RAB11FIP2: variants seen among roughly 807,000 people sequenced by gnomAD.
RAB11FIP2 encodes RAB11 family interacting protein 2, also known as rab11 family-interacting protein 2.
A neutral mutation model predicts 40.9 loss-of-function variants in RAB11FIP2; 16 were observed. The ratio of observed to expected loss-of-function variants is 0.39; its 90% confidence interval spans 0.26 to 0.59. The LOEUF (loss-of-function observed/expected upper bound fraction) is 0.59, where lower values mean the gene tolerates loss of function less well. Among genes scored for constraint, RAB11FIP2 ranks in the 20% least tolerant of loss-of-function variants. RAB11FIP2 has a pLI of 0.53. For synonymous variants in RAB11FIP2, 228 were observed against 213.7 expected (o/e 1.07, Z -0.58); for missense variants, 532 against 606.2 (o/e 0.88, Z 1.28).
chr10:118,008,770 T>C lies in RAB11FIP2; in HGVS notation c.*228A>G, dbSNP rs1347438641. 1 of 506,932 alleles carries C rather than the reference T, an allele frequency of 2.0e-6. No homozygotes were observed. Among genetic ancestry groups the C allele is most frequent in the Admixed American group, 3.4e-5 (1 of 29,514 alleles). The allele number at this position is 506,932 out of a possible 1,614,324, so 31.4% of individuals were successfully genotyped here. A position where few individuals can be genotyped will look rare whatever the true frequency, so the allele number is the denominator to read the frequency against. ...TGAGTCCTAAGGAACCACTTATTCA[T>C]TGAGAATCTGGCCCATTTTCAATTT... On this transcript the variant is annotated 3_prime_UTR_variant, in exon 5 of 5. Coordinates refer to ENST00000355624, the MANE Select transcript of RAB11FIP2 (RefSeq NM_014904.3).
chr10:118,017,144 TTC>T (rs1440610965), intron 3 of RAB11FIP2, among the ~76,000 whole-genome samples: 8 of 152,174 alleles, frequency 5.3e-5, no homozygotes, highest in Middle Eastern at 3.2e-3. Context: ...CGTGTGGTCA[TTC>T]TGTTAGTAGC....
chr10:118,038,219 T>C (rs548715983), intron 3 of RAB11FIP2, among the ~76,000 whole-genome samples: 187 of 151,360 alleles, frequency 1.2e-3, no homozygotes, highest in African/African-American at 4.4e-3. Flanking sequence ...AATTTATTCC[T>C]TAGCATATCT....
chr10:118,014,158 T>C (rs1846189071), intron 4 of RAB11FIP2, among the ~76,000 whole-genome samples: 1 of 152,040 alleles, frequency 6.6e-6, no homozygotes, highest in Admixed American at 6.6e-5. Flanking sequence ...GTTTAGAAAA[T>C]AAACCCTAAA....
At chr10:118,032,899 C>T (rs140435314) in intron 3 of RAB11FIP2, among the ~76,000 whole-genome samples, 7 of 152,054 alleles carry the variant, frequency 4.6e-5, no homozygotes, top group African/African-American at 1.4e-4. Context: ...ATCAGGTCGC[C>T]TATTGCAGTA....
chr10:118,012,145 TAATC>T (rs1846163781), intron 4 of RAB11FIP2, among the ~76,000 whole-genome samples: 1 of 151,984 alleles, frequency 6.6e-6, no homozygotes, highest in African/African-American at 2.4e-5. Flanking sequence ...TCTTTCAAAA[TAATC>T]AATTATTATT....
At chr10:118,035,635 C>A (rs1356517191) in intron 3 of RAB11FIP2, among the ~76,000 whole-genome samples, 1 of 152,074 alleles carries the variant, frequency 6.6e-6, no homozygotes, top group Admixed American at 6.6e-5. Flanking sequence ...ATACCTGCTA[C>A]CTACCAAGCA....
intron 3 of RAB11FIP2, among the ~76,000 whole-genome samples, chr10:118,016,493 A>G (rs573787270): frequency 6.6e-6 from 1 of 152,290 alleles, no homozygotes; most frequent in South Asian, 2.1e-4. Context: ...ACCTTAGCCT[A>G]GAGTGCCGTG....
At chr10:118,040,610 G>A in intron 1 of RAB11FIP2, 45 bp from the exon 2 acceptor site, 1 of 1,345,526 alleles carries the variant, frequency 7.4e-7, no homozygotes. Context: ...ATAATAGAGA[G>A]AGGATACTGA....
chr10:118,020,888 A>G (rs1270528243), intron 3 of RAB11FIP2, among the ~76,000 whole-genome samples: 1 of 152,178 alleles, frequency 6.6e-6, no homozygotes, highest in Non-Finnish European at 1.5e-5. Flanking sequence ...CTATTTCTCT[A>G]TTAGAAAGAA....
chr10:118,013,635 A>G (rs1010181963), intron 4 of RAB11FIP2, among the ~76,000 whole-genome samples: 2 of 152,114 alleles, frequency 1.3e-5, no homozygotes, highest in African/African-American at 4.8e-5. Flanking sequence ...TCTTAATTGT[A>G]TCTTGCAGTA....
chr10:118,026,965 A>C (rs1293341510), intron 3 of RAB11FIP2, among the ~76,000 whole-genome samples: 1 of 152,198 alleles, frequency 6.6e-6, no homozygotes, highest in Admixed American at 6.5e-5. Context: ...TGAAAACCAG[A>C]AGCTTCTAAA....
In RAB11FIP2 at chr10:118,007,788, A is replaced by G. The variant is rs550145639; in HGVS notation, c.*1210T>C. 6.6e-6 allele frequency: 1 copy of G among 152,326 alleles called. No individual in the cohort carries two copies. The highest frequency in any genetic ancestry group is 2.4e-5 in the African/African-American group (1 of 41,564). The allele number at this position is 152,326 out of a possible 1,614,324, so 9.4% of individuals were successfully genotyped here. A position where few individuals can be genotyped will look rare whatever the true frequency, so the allele number is the denominator to read the frequency against. ...GGGGGAGTGGACTTTAAAATAGAAC[A>G]TAATTTTGTAATAAATCAATTCTTA... is the stretch of plus-strand genomic sequence containing the variant. On this transcript the variant is annotated 3_prime_UTR_variant, in exon 5 of 5. Transcript: ENST00000355624.
At chr10:118,017,054 C>T (rs1023825876) in intron 3 of RAB11FIP2, among the ~76,000 whole-genome samples, 2 of 152,166 alleles carry the variant, frequency 1.3e-5, no homozygotes, top group Non-Finnish European at 1.5e-5. Flanking sequence ...ATGATCCTTA[C>T]GGTAGTCTTA....
At chr10:118,027,630 C>G (rs536796039) in intron 3 of RAB11FIP2, among the ~76,000 whole-genome samples, 1 of 152,154 alleles carries the variant, frequency 6.6e-6, no homozygotes, top group Non-Finnish European at 1.5e-5. Context: ...CTAATTGGCT[C>G]CTTGGTAGCC....
At chr10:118,032,754 A>G (rs144881418) in intron 3 of RAB11FIP2, among the ~76,000 whole-genome samples, 8 of 152,268 alleles carry the variant, frequency 5.3e-5, no homozygotes, top group African/African-American at 1.9e-4. Context: ...CCTTCTGAGT[A>G]GCCTCATGAC....
intron 3 of RAB11FIP2, among the ~76,000 whole-genome samples, chr10:118,036,972 T>C (rs995774248): frequency 6.6e-6 from 1 of 152,128 alleles, no homozygotes; most frequent in African/African-American, 2.4e-5. Context: ...TTTTTCCATA[T>C]GCACCCATAA....
At chr10:118,040,604 T>C (rs1846546399) in intron 1 of RAB11FIP2, 39 bp from the exon 2 acceptor site, 1 of 1,402,398 alleles carries the variant, frequency 7.1e-7, no homozygotes, top group Non-Finnish European at 9.7e-7. Context: ...TAACACATAA[T>C]AGAGAGAGGA....
chr10:118,044,789 G>A (rs1428847023), intron 1 of RAB11FIP2, among the ~76,000 whole-genome samples: 2 of 151,958 alleles, frequency 1.3e-5, no homozygotes, highest in Admixed American at 6.5e-5. Context: ...ATCATTGTAA[G>A]AAAGTTTTTT....
intron 3 of RAB11FIP2, among the ~76,000 whole-genome samples, chr10:118,019,218 A>G (rs1846255961): frequency 6.6e-6 from 1 of 152,176 alleles, no homozygotes; most frequent in Non-Finnish European, 1.5e-5. Context: ...ACCTTCCATA[A>G]TATCTCTTTC....
Sources: allele counts gnomAD v4.1 joint callset (sites outside exome capture counted in the v4.1 genomes callset), GRCh38; gene constraint gnomAD v4.1.1; transcripts MANE v1.5; gene names NCBI Gene and HGNC (gene_info 2026-07-23, HGNC 2026-07-21).